CR1: variants seen among roughly 807,000 people sequenced by gnomAD.
CR1 encodes complement receptor type 1.
CR1 carries 116 observed loss-of-function variants against 187.3 expected under a neutral mutation model. The observed-to-expected ratio is 0.62, with a 90% CI of 0.53 to 0.72. The LOEUF is 0.72. Ranked by LOEUF, CR1 falls within the 30% of genes least tolerant of loss-of-function variation. The pLI, the probability that CR1 is intolerant of heterozygous loss-of-function variation, is 0.00. For synonymous variants in CR1, 576 were observed against 747.1 expected (o/e 0.77, Z 3.73); for missense variants, 1,731 against 2,110.7 (o/e 0.82, Z 3.52).
rs1328324745 is a variant in CR1 at position 207,619,883 on chromosome 1, T to A, written c.7070T>A (p.Val2357Glu). The change falls in exon 43 of 47, where the codon GTA (valine) becomes GAA (glutamate). Residue 2357 changes from valine to glutamate, a missense_variant. Val to Glu is a moderately radical substitution (Grantham distance 121). Coordinates refer to ENST00000367049, the MANE Select transcript of CR1 (RefSeq NM_000651.6). ...WSQLDHYCKE[V>E]NCSFPLFMNG... ...TTTCTGATTTGTCTAATTTCAGAAG[T>A]AAATTGTAGCTTCCCACTGTTTATG... 1.9e-6 allele frequency: 3 copies of A among 1,575,598 alleles called. No individual in the cohort carries two copies. Among genetic ancestry groups the A allele is most frequent in the Non-Finnish European group, 2.6e-6 (3 of 1,160,600 alleles).
intron 46 of CR1, among the ~76,000 whole-genome samples, chr1:207,631,282 A>C (rs906064712): frequency 6.6e-6 from 1 of 152,186 alleles, no homozygotes; most frequent in Admixed American, 6.5e-5. Context: ...TAACTAGTAC[A>C]CCAGGGACCT....
chr1:207,510,207 C>G (rs1659569350), intron 3 of CR1, among the ~76,000 whole-genome samples: 1 of 149,160 alleles, frequency 6.7e-6, no homozygotes, highest in Non-Finnish European at 1.5e-5. Context: ...AAATCTGTCT[C>G]AAAAAAAAAG....
chr1:207,607,324 C>G lies in CR1; in HGVS notation c.5884C>G (p.Pro1962Ala). 1 of 1,612,004 alleles carries G rather than the reference C, an allele frequency of 6.2e-7. No individual in the cohort carries two copies. ...TAATGTCACATGGGATAAGAAGGCA[C>G]CTATTTGTGAGAGTAAGTTGAAATA... is the stretch of plus-strand genomic sequence containing the variant. ...GNNVTWDKKA[P>A]ICEIISCEPP... is the part of the protein sequence containing the mutation. Residue 1962 changes from proline (P) to alanine (A), a missense_variant, in exon 36 of 47, where the codon CCT becomes GCT. By Grantham distance (27) the Pro-to-Ala change is conservative. This residue lies in a region of CR1 where 1,312 missense variants were observed against 1,379.6 expected (regional missense o/e 0.95). Coordinates refer to ENST00000367049, the MANE Select transcript of CR1 (RefSeq NM_000651.6).
At chr1:207,634,693 C>G (rs10863425) in intron 46 of CR1, among the ~76,000 whole-genome samples, 57,358 of 151,320 alleles carry the variant, frequency 0.38, 11,497 homozygotes, top group African/African-American at 0.5. Flanking sequence ...TAAAAGGAGA[C>G]GCTTCAGCAC....
In CR1 at chr1:207,616,771, T is replaced by C. The variant is rs745965741; in HGVS notation, c.6858T>C (p.Pro2286=). Reference sequence around the variant, plus strand: ...AAGGGAATGGGGTTTGGAGCAGCCCTGCCCCTCGCTGTGAACTTTCTGTTC... The same window carrying C: ...AAGGGAATGGGGTTTGGAGCAGCCCCGCCCCTCGCTGTGAACTTTCTGTTC... The part of the protein sequence containing the change: ...DPQGNGVWSS[P]APRCELSVPA... Residue 2286 remains proline (P), a synonymous_variant, in exon 41 of 47, where the codon CCT becomes CCC. Coordinates refer to ENST00000367049, the MANE Select transcript of CR1 (RefSeq NM_000651.6). 11 of 1,614,004 alleles carry C rather than the reference T, an allele frequency of 6.8e-6. No individual in the cohort carries two copies. The South Asian group carries it at 1.1e-4, about 16-fold the overall frequency.
Position 207,511,135 on chromosome 1 carries a change from T to C in CR1, c.402-434T>C, listed in dbSNP as rs553858212. Among the ~76,000 whole-genome samples, 11 of 152,322 alleles carry C rather than the reference T, an allele frequency of 7.2e-5. 1 individual carries two copies. The highest frequency in any genetic ancestry group is 2.6e-4 in the African/African-American group (11 of 41,566). On this transcript the variant is annotated intron_variant, in intron 3 of 46. Coordinates refer to ENST00000367049, the MANE Select transcript of CR1 (RefSeq NM_000651.6). ...CTGTGAAGGGCCTAATTTGGCCTTC[T>C]TTAATGAATCTTATTGATAAAAGCC...
Position 207,496,249 on chromosome 1 carries a change from G to C in CR1, c.-19G>C. 6.2e-7 allele frequency: 1 copy of C among 1,613,818 alleles called. No homozygotes were observed. The highest frequency in any genetic ancestry group is 1.1e-5 in the South Asian group (1 of 91,068). On this transcript the variant is annotated 5_prime_UTR_variant, in exon 1 of 47. Coordinates refer to ENST00000367049, the MANE Select transcript of CR1 (RefSeq NM_000651.6). ...TTTTCTTCGAGATCAAATCTGGTTTGTAGATGTGCTTGGGGAGAATGGGGG... is the reference window on the plus strand; with the variant it reads ...TTTTCTTCGAGATCAAATCTGGTTTCTAGATGTGCTTGGGGAGAATGGGGG...
At chr1:207,567,700 G>A (rs554589582) in intron 24 of CR1, 124 bp from the exon 25 acceptor site, 3 of 1,320,940 alleles carry the variant, frequency 2.3e-6, no homozygotes, top group South Asian at 2.6e-5. Flanking sequence ...ACTCTTCAAA[G>A]TCCTAATGTC....
intron 2 of CR1, 22 bp downstream of exon 2, chr1:207,506,105 AC>A (rs762154157): frequency 2.2e-5 from 36 of 1,607,008 alleles, no homozygotes; most frequent in South Asian, 6.7e-5. Flanking sequence ...TGGAGTGGGA[AC>A]CCCCCTGTTA....
chr1:207,629,943 CATTT>C (rs1478857774), intron 45 of CR1, among the ~76,000 whole-genome samples: 1 of 152,214 alleles, frequency 6.6e-6, no homozygotes, highest in Non-Finnish European at 1.5e-5. Context: ...CATAGTGCCT[CATTT>C]ATGATGCATG....
At chr1:207,617,294 G>A (rs1175645441) in intron 41 of CR1, among the ~76,000 whole-genome samples, 1 of 150,856 alleles carries the variant, frequency 6.6e-6, no homozygotes, top group Non-Finnish European at 1.5e-5. Context: ...GTTTCCAAGG[G>A]TTTGTTCAAG....
Position 207,523,638 on chromosome 1 carries a change from T to C in CR1, c.515T>C (p.Ile172Thr). The change falls in exon 5 of 47, where the codon ATC becomes ACC. Residue 172 changes from isoleucine to threonine, a missense_variant. Transcript: ENST00000367049. Reference protein sequence around the residue: ...DRIPCGLPPTITNGDFISTNR... With the variant: ...DRIPCGLPPTTTNGDFISTNR... The stretch of plus-strand genomic sequence containing the variant: ...ATTCCTTGTGGGCTACCCCCCACCA[T>C]CACCAATGGAGATTTCATTAGCACC... 1 of 1,614,020 alleles carries C rather than the reference T, an allele frequency of 6.2e-7. No individual in the cohort carries two copies. The highest frequency in any genetic ancestry group is 8.5e-7 in the Non-Finnish European group (1 of 1,179,902).
chr1:207,518,247 G>T (rs1659864523), intron 4 of CR1, among the ~76,000 whole-genome samples: 1 of 152,094 alleles, frequency 6.6e-6, no homozygotes, highest in Admixed American at 6.6e-5. Flanking sequence ...AATATTTAGA[G>T]ATCTTCTAGT....
At chr1:207,513,764 CT>C (rs2102291971) in intron 4 of CR1, among the ~76,000 whole-genome samples, 1 of 125,764 alleles carries the variant, frequency 8.0e-6, no homozygotes, top group African/African-American at 3.5e-5. Flanking sequence ...CCCTCCCTCC[CT>C]TCCTTCCTTC....
At chr1:207,620,307 C>T (rs1662277524) in intron 43 of CR1, among the ~76,000 whole-genome samples, 1 of 152,304 alleles carries the variant, frequency 6.6e-6, no homozygotes, top group Non-Finnish European at 1.5e-5. Context: ...GTTGCATGAG[C>T]CACACAGTAA....
chr1:207,626,601 A>C (rs565736734), intron 45 of CR1, among the ~76,000 whole-genome samples: 3 of 152,376 alleles, frequency 2.0e-5, no homozygotes, highest in Admixed American at 2.0e-4. Context: ...AAAGACTGAC[A>C]GATATAGAAT....
chr1:207,604,974 C>A (rs11118157), intron 35 of CR1, among the ~76,000 whole-genome samples: 60,636 of 151,892 alleles, frequency 0.4, 16,548 homozygotes, highest in African/African-American at 0.77. Context: ...TGTGTATTTC[C>A]AAATTGCTGG....
chr1:207,590,996 T>A (rs1165492128), intron 35 of CR1, among the ~76,000 whole-genome samples: 1 of 152,066 alleles, frequency 6.6e-6, no homozygotes, highest in African/African-American at 2.4e-5. Flanking sequence ...TCCCACACAA[T>A]AATAGTGGGA....
intron 27 of CR1, among the ~76,000 whole-genome samples, chr1:207,573,414 A>G (rs896610863): frequency 6.6e-6 from 1 of 152,180 alleles, no homozygotes; most frequent in African/African-American, 2.4e-5. Context: ...TTTAAATGCA[A>G]TTGGTAAATT....
Sources: allele counts gnomAD v4.1 joint callset (sites outside exome capture counted in the v4.1 genomes callset), GRCh38; gene constraint gnomAD v4.1.1; regional missense constraint gnomAD v4.1.1; transcripts MANE v1.5; gene names NCBI Gene and HGNC (gene_info 2026-07-23, HGNC 2026-07-21).